The following RAB3GAP2 variants were observed in gnomAD, a reference collection of about 807,000 sequenced individuals.
RAB3GAP2 encodes rab3 GTPase-activating protein non-catalytic subunit.
In RAB3GAP2, 87 loss-of-function variants were observed where a neutral mutation model predicts 185.3. The observed-to-expected ratio is 0.47, with a 90% CI of 0.39 to 0.56. The LOEUF (loss-of-function observed/expected upper bound fraction) is 0.56. Ranked by LOEUF, RAB3GAP2 falls within the 20% of genes least tolerant of loss-of-function variation. The probability of loss-of-function intolerance (pLI) is 0.00; values close to 1 mark genes in which losing one functional copy is unlikely to be tolerated. For missense variants in RAB3GAP2, 1,492 were observed against 1,638.2 expected (o/e 0.91, Z 1.54); for synonymous variants, 554 against 576.1 (o/e 0.96, Z 0.55).
rs1017701171 is a variant in RAB3GAP2, at chr1:220,194,247, G to GA, written c.1130+830dup. 3.9e-3 allele frequency among the ~76,000 whole-genome samples: 554 copies of GA among 141,004 alleles called. 2 individuals carry two copies. The highest frequency in any genetic ancestry group is 6.4e-3 in the African/African-American group (244 of 38,248). 92.5% of individuals were successfully genotyped at this position (141,004 alleles called of 152,430 possible). On this transcript the variant is annotated intron_variant, in intron 12 of 34. Transcript: ENST00000358951. ...ATGCTCCTATCTAAAAAATAATAAT[G>GA]AAAAAAAAAAGCAACAAAAATCATG...
At chr1:220,215,627 A>C (rs1659178853) in intron 2 of RAB3GAP2, among the ~76,000 whole-genome samples, 1 of 152,220 alleles carries the variant, frequency 6.6e-6, no homozygotes, top group Non-Finnish European at 1.5e-5. Context: ...ACATACAAAA[A>C]GAAAAACAAA....
At chr1:220,270,015 T>C (rs939877037) in intron 1 of RAB3GAP2, among the ~76,000 whole-genome samples, 10 of 152,220 alleles carry the variant, frequency 6.6e-5, no homozygotes, top group Non-Finnish European at 1.5e-4. Context: ...CCTTATCCTA[T>C]AACTATGCTT....
rs567027575 is a variant in RAB3GAP2, at chr1:220,179,198, G to A, written c.2310+3059C>T. Reference sequence around the variant, plus strand: ...TGGGAGGTAGAGGTTGCAGTGAGCCGAGATCATGACACTGCACTCCCGCCT... The same window carrying A: ...TGGGAGGTAGAGGTTGCAGTGAGCCAAGATCATGACACTGCACTCCCGCCT... On this transcript the variant is annotated intron_variant, in intron 21 of 34. Coordinates refer to ENST00000358951, the MANE Select transcript of RAB3GAP2 (RefSeq NM_012414.4). Among the ~76,000 whole-genome samples, 53 of 134,014 alleles carry A rather than the reference G, an allele frequency of 4.0e-4. 1 individual carries two copies. Among genetic ancestry groups the A allele is most frequent in the Admixed American group, 3.9e-3 (45 of 11,524 alleles). 87.9% of individuals were successfully genotyped at this position (134,014 alleles called of 152,430 possible).
At chr1:220,247,749 A>C (rs892666316) in intron 1 of RAB3GAP2, among the ~76,000 whole-genome samples, 8 of 152,198 alleles carry the variant, frequency 5.3e-5, no homozygotes, top group Non-Finnish European at 7.4e-5. Context: ...AAACTGTTGA[A>C]ATTTTAAGAA....
intron 4 of RAB3GAP2, among the ~76,000 whole-genome samples, chr1:220,212,502 T>A (rs373864312): frequency 1.5e-5 from 2 of 132,096 alleles, no homozygotes; most frequent in South Asian, 2.7e-4. Context: ...CTAAAAAATT[T>A]TTTTTTTTAA....
intron 1 of RAB3GAP2, among the ~76,000 whole-genome samples, chr1:220,270,838 A>G (rs1004522950): frequency 3.3e-5 from 5 of 152,218 alleles, no homozygotes; most frequent in Non-Finnish European, 2.9e-5. Flanking sequence ...TTAAACTTTC[A>G]GAGAAACGCC....
chr1:220,206,994 T>C (rs1291170325), intron 7 of RAB3GAP2, among the ~76,000 whole-genome samples: 4 of 152,300 alleles, frequency 2.6e-5, no homozygotes, highest in South Asian at 2.1e-4. Context: ...GGTTTCCCTC[T>C]ACCATCCCCA....
chr1:220,187,615 T>G (rs1658529485), intron 17 of RAB3GAP2, among the ~76,000 whole-genome samples: 1 of 152,034 alleles, frequency 6.6e-6, no homozygotes, highest in Non-Finnish European at 1.5e-5. Flanking sequence ...ATAATGAAGC[T>G]TCCATCAACA....
intron 1 of RAB3GAP2, among the ~76,000 whole-genome samples, chr1:220,256,878 CA>C (rs975571844): frequency 4.3e-4 from 66 of 152,154 alleles, no homozygotes; most frequent in African/African-American, 1.5e-3. Flanking sequence ...GACCTGAACT[CA>C]GCTCTAAAAC....
At chr1:220,164,023 A>G (rs1047368944) in intron 27 of RAB3GAP2, among the ~76,000 whole-genome samples, 9 of 152,066 alleles carry the variant, frequency 5.9e-5, no homozygotes, top group Non-Finnish European at 1.3e-4. Context: ...CTCAATTCCT[A>G]TAATGAAACC....
At chr1:220,204,689 C>T (rs934031724) in intron 8 of RAB3GAP2, among the ~76,000 whole-genome samples, 1 of 151,498 alleles carries the variant, frequency 6.6e-6, no homozygotes, top group Non-Finnish European at 1.5e-5. Flanking sequence ...CACCCATTAA[C>T]CTAATCATTT....
intron 1 of RAB3GAP2, chr1:220,267,705 A>G: frequency 6.4e-7 from 1 of 1,563,696 alleles, no homozygotes; most frequent in Admixed American, 1.7e-5. Flanking sequence ...CTGATTCTGA[A>G]CTGGCTTGTG....
rs1489428222 is a variant in RAB3GAP2 at position 220,210,936 on chromosome 1, G to A, written c.434+19C>T. 6.2e-6 allele frequency: 10 copies of A among 1,613,842 alleles called. No individual in the cohort carries two copies. The highest frequency in any genetic ancestry group is 1.7e-5 in the Admixed American group (1 of 60,002). ...ATAAATCAAAGCAAAGAAAACAGAT[G>A]ACTCTTATTTATCCTTACCTCTTTT... On this transcript the variant is annotated intron_variant, in intron 5 of 34. Coordinates refer to ENST00000358951, the MANE Select transcript of RAB3GAP2 (RefSeq NM_012414.4).
intron 1 of RAB3GAP2, among the ~76,000 whole-genome samples, chr1:220,264,922 G>A (rs1475120457): frequency 6.6e-6 from 1 of 152,018 alleles, no homozygotes; most frequent in Non-Finnish European, 1.5e-5. Context: ...TTGCTTGAGG[G>A]ACTTATTTTA....
At position 220,200,855 on chromosome 1, in the gene RAB3GAP2, CCA is replaced by C. The variant is rs372239238; in HGVS notation, c.811+1419_811+1420del. Among the ~76,000 whole-genome samples, 22 of 152,206 alleles carry C rather than the reference CCA, an allele frequency of 1.4e-4. 1 individual carries two copies. Among genetic ancestry groups the C allele is most frequent in the African/African-American group, 5.3e-4 (22 of 41,522 alleles). ...TCCTCTTCTCCTTGCTCTTTCTCTC[CCA>C]GTGTCCAGTTTGCATAGAATGAGTA... On this transcript the variant is annotated intron_variant, in intron 9 of 34. Transcript: ENST00000358951.
chr1:220,183,922 A>G (rs752523176), intron 19 of RAB3GAP2, 114 bp downstream of exon 19: 52 of 880,436 alleles, frequency 5.9e-5, no homozygotes, highest in Non-Finnish European at 6.7e-5. Flanking sequence ...AGGAAAATAT[A>G]CCTTTAAAGC....
At chr1:220,187,918 T>C (rs1376319979) in intron 17 of RAB3GAP2, among the ~76,000 whole-genome samples, 5 of 152,018 alleles carry the variant, frequency 3.3e-5, no homozygotes, top group Admixed American at 6.6e-5. Flanking sequence ...GTCAGAAATA[T>C]AGCTGACAAC....
intron 27 of RAB3GAP2, 53 bp from the exon 28 acceptor site, chr1:220,162,321 T>C: frequency 2.4e-6 from 3 of 1,230,306 alleles, no homozygotes; most frequent in Admixed American, 3.4e-5. Context: ...CTCACTTTTA[T>C]TACACATAAA....
intron 7 of RAB3GAP2, among the ~76,000 whole-genome samples, chr1:220,206,451 A>G (rs1658968169): frequency 6.6e-6 from 1 of 152,152 alleles, no homozygotes. Context: ...TGTCAATGAT[A>G]TTTTTCCATT....
Sources: allele counts gnomAD v4.1 joint callset (sites outside exome capture counted in the v4.1 genomes callset), GRCh38; gene constraint gnomAD v4.1.1; transcripts MANE v1.5; gene names NCBI Gene and HGNC (gene_info 2026-07-23, HGNC 2026-07-21).